Variants in EVI5 observed in about 807,000 individuals in gnomAD.
EVI5 encodes the protein ecotropic viral integration site 5 protein homolog.
A neutral mutation model predicts 112.0 loss-of-function variants in EVI5; 73 were observed. The observed-to-expected ratio is 0.65, with a 90% CI of 0.54 to 0.79. EVI5 has a LOEUF of 0.79. EVI5 is among the 30% of genes least tolerant of loss of function. The pLI is 0.00. For synonymous variants in EVI5, 305 were observed against 319.9 expected (o/e 0.95, Z 0.50); for missense variants, 900 against 968.8 (o/e 0.93, Z 0.94).
At chr1:92,637,042 G>A (rs1477558055) in intron 13 of EVI5, among the ~76,000 whole-genome samples, 1 of 152,118 alleles carries the variant, frequency 6.6e-6, no homozygotes, top group East Asian at 1.9e-4. Flanking sequence ...CTACAATAAT[G>A]TGAACCATCT....
chr1:92,520,250 T>A (rs1382306045), intron 19 of EVI5, among the ~76,000 whole-genome samples: 1 of 152,166 alleles, frequency 6.6e-6, no homozygotes, highest in Non-Finnish European at 1.5e-5. Context: ...ACCCCCCTCA[T>A]AACACCATCT....
At chr1:92,604,253 G>A (rs572411025) in intron 18 of EVI5, among the ~76,000 whole-genome samples, 10 of 151,984 alleles carry the variant, frequency 6.6e-5, no homozygotes, top group African/African-American at 2.2e-4. Context: ...CCAGGTACTC[G>A]GGAAGCTGAT....
intron 9 of EVI5, among the ~76,000 whole-genome samples, chr1:92,692,698 C>T (rs1313424003): frequency 6.6e-6 from 1 of 152,126 alleles, no homozygotes; most frequent in Non-Finnish European, 1.5e-5. Flanking sequence ...GAAAAGCTAA[C>T]TAATTTTAAT....
chr1:92,616,681 G>A (rs766197827), intron 16 of EVI5, among the ~76,000 whole-genome samples: 6 of 152,148 alleles, frequency 3.9e-5, no homozygotes, highest in African/African-American at 9.7e-5. Context: ...ATTTTGGAGC[G>A]AGACCCTGCC....
At chr1:92,665,445 T>C (rs1201013059) in intron 11 of EVI5, among the ~76,000 whole-genome samples, 2 of 152,134 alleles carry the variant, frequency 1.3e-5, no homozygotes, top group South Asian at 2.1e-4. Flanking sequence ...CTAAAATAAT[T>C]ATAAGAACTA....
At chr1:92,681,621 T>C (rs1369672384) in intron 9 of EVI5, among the ~76,000 whole-genome samples, 2 of 152,178 alleles carry the variant, frequency 1.3e-5, no homozygotes, top group African/African-American at 4.8e-5. Context: ...GTAAAACTTT[T>C]AAAACCAGAT....
chr1:92,617,880 G>A (rs1460247696), intron 16 of EVI5, among the ~76,000 whole-genome samples: 3 of 152,136 alleles, frequency 2.0e-5, no homozygotes, highest in South Asian at 2.1e-4. Context: ...GTGCACTCAC[G>A]GAATACCTTA....
intron 14 of EVI5, among the ~76,000 whole-genome samples, chr1:92,632,756 T>C (rs916146416): frequency 1.3e-5 from 2 of 152,162 alleles, no homozygotes; most frequent in African/African-American, 4.8e-5. Context: ...GTTCTTTTAA[T>C]TGTGATGTTA....
intron 14 of EVI5, among the ~76,000 whole-genome samples, chr1:92,632,907 A>G (rs1657528440): frequency 6.6e-6 from 1 of 152,182 alleles, no homozygotes; most frequent in South Asian, 2.1e-4. Flanking sequence ...GGACATCTTT[A>G]TTTCTGCCTT....
At position 92,678,935 on chromosome 1, in the gene EVI5, C is replaced by A. The variant is rs116210343; in HGVS notation, c.1098-1717G>T. Among the ~76,000 whole-genome samples the A allele has an allele frequency of 4.6e-3, 708 of 152,312 alleles. 4 individuals carry two copies. The highest frequency in any genetic ancestry group is 0.017 in the African/African-American group (687 of 41,560). ...TGTATAGTCACAGATTTGACTGCTA[C>A]ATTACTCTGTCTCTCACTAAAGTGT... On this transcript the variant is annotated intron_variant, in intron 9 of 19. Transcript: ENST00000684568.
chr1:92,657,958 G>A (rs1043068470), intron 13 of EVI5, among the ~76,000 whole-genome samples: 7 of 152,254 alleles, frequency 4.6e-5, no homozygotes, highest in African/African-American at 1.7e-4. Context: ...ACAGCACCAA[G>A]TCATGAGGTC....
chr1:92,637,421 G>A (rs961890451), intron 13 of EVI5, among the ~76,000 whole-genome samples: 13 of 151,672 alleles, frequency 8.6e-5, no homozygotes, highest in Admixed American at 8.6e-4. Context: ...ATAATTGCTG[G>A]AAGTAGAGAA....
chr1:92,745,686 T>C (rs1001330096), intron 1 of EVI5, among the ~76,000 whole-genome samples: 5 of 151,984 alleles, frequency 3.3e-5, no homozygotes, highest in African/African-American at 1.2e-4. Context: ...CACAGACCTG[T>C]AGTAGAGGCA....
chr1:92,650,503 G>A (rs931304025), intron 13 of EVI5, among the ~76,000 whole-genome samples: 6 of 151,692 alleles, frequency 4.0e-5, no homozygotes, highest in Admixed American at 3.3e-4. Context: ...ATTCATTGCT[G>A]GCGCATTCTT....
At position 92,517,453 on chromosome 1, in the gene EVI5, G is replaced by A. The variant is rs536510519; in HGVS notation, c.2167-3483C>T. Among the ~76,000 whole-genome samples the A allele has an allele frequency of 1.4e-4, 21 of 152,306 alleles. 1 individual carries two copies. In the South Asian group the frequency reaches 1.9e-3, roughly 14 times the overall value. On this transcript the variant is annotated intron_variant, in intron 19 of 19. Coordinates refer to ENST00000684568, the MANE Select transcript of EVI5 (RefSeq NM_001350197.2). The stretch of plus-strand genomic sequence containing the variant: ...AGTGCTCTAAACTCTCAGAATCACC[G>A]TGGTAGACCCTCTGGTTCAAATAAA...
At chr1:92,720,923 G>C (rs932752662) in intron 2 of EVI5, among the ~76,000 whole-genome samples, 2 of 152,176 alleles carry the variant, frequency 1.3e-5, no homozygotes, top group Non-Finnish European at 2.9e-5. Flanking sequence ...ATGAAAAAAT[G>C]CTCATCATCA....
chr1:92,720,327 GAT>G (rs1674518505), intron 2 of EVI5, among the ~76,000 whole-genome samples: 1 of 151,918 alleles, frequency 6.6e-6, no homozygotes, highest in African/African-American at 2.4e-5. Flanking sequence ...TCAAAACAGA[GAT>G]ATAGACCAAT....
upstream of EVI5, among the ~76,000 whole-genome samples, chr1:92,789,022 A>G (rs930000716): frequency 6.6e-6 from 1 of 152,046 alleles, no homozygotes; most frequent in Non-Finnish European, 1.5e-5. Flanking sequence ...ACTTACCTCA[A>G]TTTATACCCC....
intron 2 of EVI5, among the ~76,000 whole-genome samples, chr1:92,707,710 T>G (rs916708743): frequency 6.6e-6 from 1 of 152,148 alleles, no homozygotes; most frequent in Admixed American, 6.5e-5. Context: ...TATAACACAT[T>G]TGAGAACTGT....
Sources: allele counts gnomAD v4.1 joint callset (sites outside exome capture counted in the v4.1 genomes callset), GRCh38; gene constraint gnomAD v4.1.1; transcripts MANE v1.5; gene names NCBI Gene and HGNC (gene_info 2026-07-23, HGNC 2026-07-21).